Variants in SLC35E2B observed in about 807,000 individuals in gnomAD.
SLC35E2B encodes the protein solute carrier family 35, member E2B.
Under a neutral mutation model 32.4 loss-of-function variants are expected in SLC35E2B, and 18 were observed. The ratio of observed to expected loss-of-function variants is 0.56; its 90% CI spans 0.38 to 0.82. The LOEUF is 0.82. Ranked by LOEUF, SLC35E2B falls within the 40% of genes least tolerant of loss-of-function variation. The pLI is 0.00. For synonymous variants in SLC35E2B, 132 were observed against 209.1 expected (o/e 0.63, Z 3.18); for missense variants, 263 against 469.5 (o/e 0.56, Z 4.06).
At position 1,690,284 on chromosome 1, in the gene SLC35E2B, A is replaced by AC. The variant is rs1037562141; in HGVS notation, c.-148+691_-148+692insG. Among the ~76,000 whole-genome samples, 6 of 111,550 alleles carry AC rather than the reference A, an allele frequency of 5.4e-5. No homozygotes were observed. In the South Asian group the frequency reaches 9.0e-4, roughly 17 times the overall value. 73.2% of individuals were successfully genotyped at this position (111,550 alleles called of 152,430 possible). On this transcript the variant is annotated intron_variant, in intron 2 of 9. Coordinates refer to ENST00000617444, the MANE Select transcript of SLC35E2B (RefSeq NM_001290264.2). ...AATAAGAACAAAACTCTGTCTCAAA[A>AC]AAAAAAAAAAGAAACAAAAAAAAAT... is the stretch of plus-strand genomic sequence containing the variant.
intron 2 of SLC35E2B, among the ~76,000 whole-genome samples, chr1:1,686,916 C>T (rs560928053): frequency 6.6e-6 from 1 of 151,612 alleles, no homozygotes; most frequent in African/African-American, 2.4e-5. Context: ...ATTAGCCGGG[C>T]GTGGTGACGG....
intron 2 of SLC35E2B, among the ~76,000 whole-genome samples, chr1:1,681,664 G>A (rs546615825): frequency 5.3e-5 from 8 of 151,176 alleles, no homozygotes; most frequent in African/African-American, 1.2e-4. Context: ...GCGCCACCAA[G>A]CCTGGCTAAT....
At chr1:1,687,519 C>A (rs1341430617) in intron 2 of SLC35E2B, among the ~76,000 whole-genome samples, 3 of 152,106 alleles carry the variant, frequency 2.0e-5, no homozygotes, top group Admixed American at 6.6e-5. Flanking sequence ...ACGGGCAGAT[C>A]ATGAGGTCAG....
intron 5 of SLC35E2B, among the ~76,000 whole-genome samples, 155 bp downstream of exon 5, chr1:1,675,306 CAT>C (rs1362908099): frequency 6.6e-6 from 1 of 150,634 alleles, no homozygotes; most frequent in Non-Finnish European, 1.5e-5. Context: ...CACCCCCGCA[CAT>C]GTGACCGTGA....
chr1:1,666,134 G>A (rs570541499), intron 9 of SLC35E2B, 115 bp from the exon 10 acceptor site: 28 of 1,248,344 alleles, frequency 2.2e-5, no homozygotes, highest in Middle Eastern at 5.1e-4. Context: ...GGGACTCAGC[G>A]TCACGGTGAC....
intron 7 of SLC35E2B, 151 bp from the exon 8 acceptor site, chr1:1,669,887 A>AAAACGC: frequency 2.1e-6 from 2 of 943,632 alleles, no homozygotes; most frequent in Non-Finnish European, 3.3e-6. Flanking sequence ...CCCAGAAATG[A>AAAACGC]AAACGCAAAC....
intron 9 of SLC35E2B, among the ~76,000 whole-genome samples, chr1:1,667,671 C>T (rs1220127882): frequency 1.3e-5 from 2 of 152,116 alleles, no homozygotes; most frequent in East Asian, 3.9e-4. Flanking sequence ...GGCTCCTGCA[C>T]TGGACAGCCC....
rs1308443693 is a variant in SLC35E2B at position 1,667,030 on chromosome 1, G to A, written c.981-1011C>T. Among the ~76,000 whole-genome samples the A allele has an allele frequency of 4.2e-4, 6 of 14,260 alleles. 3 individuals carry two copies. The Admixed American group carries it at 4.4e-3, about 11-fold the overall frequency. 9.4% of individuals were successfully genotyped at this position (14,260 alleles called of 152,430 possible). Reference sequence around the variant, plus strand: ...TGAGGCAGGAGAATCACTTCAACCCGGGAGGCGGAGGTTGCAGTGAGCCGA... The same window carrying A: ...TGAGGCAGGAGAATCACTTCAACCCAGGAGGCGGAGGTTGCAGTGAGCCGA... On this transcript the variant is annotated intron_variant, in intron 9 of 9. Coordinates refer to ENST00000617444, the MANE Select transcript of SLC35E2B (RefSeq NM_001290264.2).
rs1644002412 is a variant in SLC35E2B, at chr1:1,690,248, A to G, written c.-148+728T>C. Among the ~76,000 whole-genome samples the G allele has an allele frequency of 2.1e-5, 3 of 146,302 alleles. No homozygotes were observed. In the South Asian group the frequency reaches 6.6e-4, roughly 32 times the overall value. Reference sequence around the variant, plus strand: ...TGAGCCAAGATCGCGCCATTGCACAACAGCCTGGGCAATAAGAACAAAACT... The same window carrying G: ...TGAGCCAAGATCGCGCCATTGCACAGCAGCCTGGGCAATAAGAACAAAACT... On this transcript the variant is annotated intron_variant, in intron 2 of 9. Transcript: ENST00000617444.
chr1:1,679,123 C>T (rs549434458), intron 2 of SLC35E2B, among the ~76,000 whole-genome samples: 1 of 152,174 alleles, frequency 6.6e-6, no homozygotes, highest in Non-Finnish European at 1.5e-5. Context: ...CAGGCTCTGC[C>T]ACCACCAGCG....
rs1411052634 is a variant in SLC35E2B at position 1,663,337 on chromosome 1, C to T, written c.*2445G>A. Reference sequence around the variant, plus strand: ...CTCAGAACCAGGCGCCTGCACCTCTCCTTATGCCAGACCACAATCTTCAAA... The same window carrying T: ...CTCAGAACCAGGCGCCTGCACCTCTTCTTATGCCAGACCACAATCTTCAAA... On this transcript the variant is annotated 3_prime_UTR_variant, in exon 10 of 10. Transcript: ENST00000617444. 19 of 976,484 alleles carry T rather than the reference C, an allele frequency of 1.9e-5. No individual in the cohort carries two copies. The African/African-American group carries it at 3.0e-4, about 15-fold the overall frequency. The allele number at this position is 976,484 out of a possible 1,614,324, so 60.5% of individuals were successfully genotyped here. A position where few individuals can be genotyped will look rare whatever the true frequency, so the allele number is the denominator to read the frequency against.
At position 1,671,664 on chromosome 1, in the gene SLC35E2B, C is replaced by T. The variant is rs551331315; in HGVS notation, c.587-35G>A. ...GGACAGCCCCTGTGAGTGGCTGACC[C>T]GCCGGGCGGACGCTCCCTCCCGAGG... On this transcript the variant is annotated intron_variant, in intron 5 of 9. Coordinates refer to ENST00000617444, the MANE Select transcript of SLC35E2B (RefSeq NM_001290264.2). 1,685 of 1,483,736 alleles carry T rather than the reference C, an allele frequency of 1.1e-3. 3 individuals carry two copies. The highest frequency in any genetic ancestry group is 1.4e-3 in the Non-Finnish European group (1,530 of 1,109,320). The allele number at this position is 1,483,736 out of a possible 1,614,324, so 91.9% of individuals were successfully genotyped here.
intron 9 of SLC35E2B, among the ~76,000 whole-genome samples, chr1:1,667,508 C>T (rs1047242429): frequency 2.2e-4 from 34 of 152,128 alleles, no homozygotes; most frequent in African/African-American, 8.2e-4. Flanking sequence ...CTGAAGGATC[C>T]TCCCCGTTTC....
At chr1:1,686,091 G>A (rs1235471244) in intron 2 of SLC35E2B, among the ~76,000 whole-genome samples, 3 of 152,096 alleles carry the variant, frequency 2.0e-5, no homozygotes, top group Non-Finnish European at 2.9e-5. Flanking sequence ...CACAACCTTC[G>A]CCTCCCAGGT....
chr1:1,671,397 C>A, intron 6 of SLC35E2B, 112 bp downstream of exon 6: 2 of 1,214,118 alleles, frequency 1.6e-6, no homozygotes, highest in Non-Finnish European at 2.1e-6. Context: ...GCATTGGACG[C>A]ACCTGCTTTG....
At chr1:1,677,290 G>A (rs1643861906) in intron 2 of SLC35E2B, among the ~76,000 whole-genome samples, 1 of 145,002 alleles carries the variant, frequency 6.9e-6, no homozygotes, top group Non-Finnish European at 1.5e-5. Flanking sequence ...ATTGAATCCC[G>A]TTTTTCTCTG....
intron 7 of SLC35E2B, 36 bp from the exon 8 acceptor site, chr1:1,669,772 G>A (rs760958681): frequency 2.1e-5 from 33 of 1,546,286 alleles, no homozygotes; most frequent in Non-Finnish European, 2.6e-5. Context: ...CCCCCGTGTC[G>A]GGACAGGCCG....
intron 2 of SLC35E2B, among the ~76,000 whole-genome samples, chr1:1,681,317 C>G (rs1235442723): frequency 6.6e-6 from 1 of 151,878 alleles, no homozygotes; most frequent in Non-Finnish European, 1.5e-5. Flanking sequence ...CCTGCCTCAG[C>G]CTCTGAAGTA....
chr1:1,686,397 C>T (rs1055840554), intron 2 of SLC35E2B, among the ~76,000 whole-genome samples: 2 of 145,820 alleles, frequency 1.4e-5, no homozygotes, highest in East Asian at 2.0e-4. Flanking sequence ...TTGTACATGA[C>T]GGGAGGCAGA....
Sources: gnomAD v4.1 joint callset for allele counts (sites outside exome capture counted in the v4.1 genomes callset) on GRCh38, gnomAD v4.1.1 for gene constraint, MANE v1.5 for transcripts, NCBI Gene and HGNC (gene_info 2026-07-23, HGNC 2026-07-21) for gene names.